CD48: variants seen among roughly 807,000 people sequenced by gnomAD.
The protein encoded by CD48 is CD48 antigen.
CD48 carries 20 observed loss-of-function variants against 22.0 expected under a neutral mutation model. The observed-to-expected ratio is 0.91, with a 90% CI of 0.64 to 1.32. CD48 has a LOEUF of 1.32. CD48 is among the 40% of genes most tolerant of loss of function. The pLI is 0.00. For missense variants in CD48, 307 were observed against 286.5 expected, an observed-to-expected ratio of 1.07 and a Z score of -0.52; for synonymous variants, 110 against 110.1, an observed-to-expected ratio of 1.00 and a Z score of 0.01.
intron 2 of CD48, chr1:160,683,863 C>G (rs146819264): frequency 2.0e-5 from 3 of 152,180 alleles, no homozygotes; most frequent in African/African-American, 4.8e-5. Flanking sequence ...TATTTAGCCC[C>G]GCTCTTCTAC....
intron 1 of CD48, chr1:160,686,670 A>T (rs749360700): frequency 5.3e-5 from 8 of 152,236 alleles, no homozygotes; most frequent in Non-Finnish European, 1.2e-4. Flanking sequence ...AAAGCTGAGC[A>T]TCTGGGGGAG....
In CD48 at chr1:160,681,471, G is replaced by T; in HGVS notation, c.386-3C>A. 6.2e-7 allele frequency: 1 copy of T among 1,613,128 alleles called. No homozygotes were observed. The highest frequency in any genetic ancestry group is 1.1e-5 in the South Asian group (1 of 90,918). ...GATGACAGGCTTGGGTACAGGGTCT[G>T]AAAGTGAGGAGGATGTTATAAGATG... On this transcript the variant is annotated splice_polypyrimidine_tract_variant and splice_region_variant and intron_variant, in intron 2 of 3. Transcript: ENST00000368046.
intron 1 of CD48, among the ~76,000 whole-genome samples, chr1:160,688,516 T>A (rs745912293): frequency 5.3e-5 from 8 of 152,230 alleles, no homozygotes; most frequent in Non-Finnish European, 2.9e-5. Context: ...ACTAACAGCA[T>A]GTAAGGAGGC....
At chr1:160,680,734 C>T (rs760216954) in intron 3 of CD48, 59 of 1,030,664 alleles carry the variant, frequency 5.7e-5, no homozygotes, top group Middle Eastern at 4.7e-4. Context: ...CTCTCAGGCC[C>T]GTCTCCTCAG....
chr1:160,689,966 A>T (rs1016303277), intron 1 of CD48, among the ~76,000 whole-genome samples: 2 of 152,212 alleles, frequency 1.3e-5, no homozygotes, highest in African/African-American at 4.8e-5. Flanking sequence ...TATTATCTTT[A>T]GGAACATTTA....
intron 1 of CD48, among the ~76,000 whole-genome samples, chr1:160,687,076 G>C (rs1262351572): frequency 1.3e-5 from 2 of 152,128 alleles, no homozygotes; most frequent in Admixed American, 6.5e-5. Flanking sequence ...ACCTGGGGGT[G>C]CTGTTTATAA....
At chr1:160,695,002 G>T (rs35416300) in intron 1 of CD48, among the ~76,000 whole-genome samples, 5 of 152,192 alleles carry the variant, frequency 3.3e-5, no homozygotes, top group African/African-American at 7.2e-5. Context: ...TGTAAATGCC[G>T]TAATTCAACC....
intron 3 of CD48, among the ~76,000 whole-genome samples, chr1:160,679,359 T>C (rs1030488916): frequency 6.6e-6 from 1 of 152,206 alleles, no homozygotes; most frequent in African/African-American, 2.4e-5. Context: ...ACCTGGGCCC[T>C]GTGCTCAAAG....
intron 2 of CD48, among the ~76,000 whole-genome samples, chr1:160,683,190 C>A (rs1429165807): frequency 6.6e-6 from 1 of 152,194 alleles, no homozygotes; most frequent in African/African-American, 2.4e-5. Flanking sequence ...TCTTACACTC[C>A]TTCTGCATTT....
At chr1:160,702,616 G>A (rs71628190) in intron 1 of CD48, among the ~76,000 whole-genome samples, 2,425 of 152,218 alleles carry the variant, frequency 0.016, 30 homozygotes, top group South Asian at 0.046. Flanking sequence ...CGACTTGGCC[G>A]CTTGTAAGTT....
At chr1:160,701,564 T>C (rs900891046) in intron 1 of CD48, among the ~76,000 whole-genome samples, 1 of 152,054 alleles carries the variant, frequency 6.6e-6, no homozygotes, top group Non-Finnish European at 1.5e-5. Context: ...AGGGGTTTGG[T>C]AATCCAGGAA....
intron 1 of CD48, chr1:160,691,815 G>A (rs555944937): frequency 1.1e-5 from 4 of 368,502 alleles, no homozygotes; most frequent in African/African-American, 8.4e-5. Flanking sequence ...TGGTCATTGA[G>A]GACAAGTCGA....
At chr1:160,697,762 C>T (rs1483835397) in intron 1 of CD48, among the ~76,000 whole-genome samples, 2 of 152,052 alleles carry the variant, frequency 1.3e-5, no homozygotes, top group Non-Finnish European at 2.9e-5. Context: ...TATTACAAAA[C>T]AATGAATTCG....
chr1:160,687,762 T>A (rs777687068), intron 1 of CD48, among the ~76,000 whole-genome samples: 1 of 152,232 alleles, frequency 6.6e-6, no homozygotes, highest in Non-Finnish European at 1.5e-5. Context: ...TTCCAAAATT[T>A]ACTACAGTGG....
In CD48 at chr1:160,681,230, C is replaced by G. The variant is rs148599053; in HGVS notation, c.624G>C (p.Thr208=). Residue 208 remains threonine (T), a synonymous_variant, in exon 3 of 4, where the codon ACG becomes ACC. Transcript: ENST00000368046. Reference sequence around the variant, plus strand: ...GGGTACAGGGTGGACTGAGGCAGACCGTGCCATTCTTGCTGCTCACAGAAT... The same window carrying G: ...GGGTACAGGGTGGACTGAGGCAGACGGTGCCATTCTTGCTGCTCACAGAAT... ...VSNSVSSKNG[T]VCLSPPCTLA... is the part of the protein sequence containing the mutation. 2.8e-4 allele frequency: 452 copies of G among 1,614,144 alleles called. 3 individuals carry two copies. The Middle Eastern group carries it at 9.1e-3, about 32-fold the overall frequency.
Position 160,684,494 on chromosome 1 carries a change from C to G in CD48, c.385+393G>C, listed in dbSNP as rs181263458. 1,414 of 436,226 alleles carry G rather than the reference C, an allele frequency of 3.2e-3. 11 individuals carry two copies. The highest frequency in any genetic ancestry group is 6.8e-3 in the Middle Eastern group (11 of 1,612). The allele number at this position is 436,226 out of a possible 1,614,324, so 27.0% of individuals were successfully genotyped here. A position where few individuals can be genotyped will look rare whatever the true frequency, so the allele number is the denominator to read the frequency against. ...GAAAGTTGAAAAATTCTCCTGATAA[C>G]TCCTGCCCCATTCTTTATATTAATA... On this transcript the variant is annotated intron_variant, in intron 2 of 3. Coordinates refer to ENST00000368046, the MANE Select transcript of CD48 (RefSeq NM_001778.4).
chr1:160,705,200 C>T (rs1243452550), intron 1 of CD48, among the ~76,000 whole-genome samples: 5 of 152,152 alleles, frequency 3.3e-5, no homozygotes. Flanking sequence ...ACCATTCATC[C>T]ATCTATTCAA....
At chr1:160,685,574 A>G (rs973458467) in intron 1 of CD48, among the ~76,000 whole-genome samples, 1 of 152,210 alleles carries the variant, frequency 6.6e-6, no homozygotes, top group Admixed American at 6.5e-5. Context: ...TTCAGTAAGC[A>G]TGTTGTTAGT....
intron 1 of CD48, among the ~76,000 whole-genome samples, chr1:160,698,688 A>G (rs1298432829): frequency 1.3e-5 from 2 of 152,140 alleles, no homozygotes; most frequent in African/African-American, 4.8e-5. Context: ...CCCCAAATTT[A>G]TAATGAGTCT....
Sources: gnomAD v4.1 joint callset for allele counts (sites outside exome capture counted in the v4.1 genomes callset) on GRCh38, gnomAD v4.1.1 for gene constraint, MANE v1.5 for transcripts, NCBI Gene and HGNC (gene_info 2026-07-23, HGNC 2026-07-21) for gene names.